The following DCHS1 variants were observed in gnomAD, a reference collection of about 807,000 sequenced individuals.
The protein encoded by DCHS1 is dachsous cadherin-related 1.
A neutral mutation model predicts 213.9 loss-of-function variants in DCHS1; 78 were observed. The ratio of observed to expected loss-of-function variants is 0.36; its 90% CI spans 0.30 to 0.44. DCHS1 has a LOEUF of 0.44. Ranked by LOEUF, DCHS1 falls within the 20% of genes least tolerant of loss-of-function variation. The pLI is 1.00. For missense variants in DCHS1, 3,946 were observed against 4,395.9 expected, an observed-to-expected ratio of 0.90 and a Z score of 2.89; for synonymous variants, 1,828 against 1,873.7, an observed-to-expected ratio of 0.98 and a Z score of 0.63.
At position 6,627,206 on chromosome 11, in the gene DCHS1, A is replaced by G; in HGVS notation, c.5833T>C (p.Ser1945Pro). 6.2e-7 allele frequency: 1 copy of G among 1,613,192 alleles called. No individual in the cohort carries two copies. The highest frequency in any genetic ancestry group is 2.2e-5 in the East Asian group (1 of 44,884). ...AAAGPLSTTV[S>P]VTITVRDVND... ...ACATCGCGCACCGTGATGGTGACAG[A>G]CACTGTGGTGCTTAGGGGCCCAGCA... The change falls in exon 14 of 21, where the codon TCT becomes CCT. Residue 1945 changes from serine to proline, a missense_variant. By Grantham distance (74) the Ser-to-Pro change is moderately conservative (BLOSUM62 -1). Around this residue, in one of 3 missense-constraint regions of DCHS1, gnomAD observed 3,384 missense variants for 3,780.1 expected, o/e 0.90. Coordinates refer to ENST00000299441, the MANE Select transcript of DCHS1 (RefSeq NM_003737.4). This position sits in a 1 kb window ranked among gnomAD's most constrained non-coding sequence, Gnocchi z 5.4.
At chr11:6,642,810 T>C (rs1029856006) in intron 1 of DCHS1, among the ~76,000 whole-genome samples, 4 of 152,202 alleles carry the variant, frequency 2.6e-5, no homozygotes, top group African/African-American at 9.7e-5. Context: ...AAGATGGCTA[T>C]TGCAGTCCTT....
rs936429361 is a variant in DCHS1, at chr11:6,632,605, C to G, written c.2907G>C (p.Glu969Asp). Residue 969 changes from glutamate to aspartate, a missense_variant, in exon 6 of 21, where the codon GAG (glutamate) becomes GAC (aspartate). By Grantham distance (45) the Glu-to-Asp change is conservative. This residue lies in a region of DCHS1 where 3,384 missense variants were observed against 3,780.1 expected (regional missense o/e 0.90). Transcript: ENST00000299441. The surrounding 1 kb of genome is among the most constrained non-coding windows in gnomAD (Gnocchi z 5.9). ...SGGPAHELEL[E>D]ARDGGSPPRT... ...GTGGTGGGGAGCCCCCATCCCGGGC[C>G]TCCAGCTCCAGCTCATGGGCTGGCC... 4 of 1,524,584 alleles carry G rather than the reference C, an allele frequency of 2.6e-6. No homozygotes were observed. The East Asian group carries it at 9.8e-5, about 37-fold the overall frequency. The allele number at this position is 1,524,584 out of a possible 1,614,324, so 94.4% of individuals were successfully genotyped here. A position where few individuals can be genotyped will look rare whatever the true frequency, so the allele number is the denominator to read the frequency against.
rs1855740156 is a variant in DCHS1, at chr11:6,623,477, C to T, written c.8199G>A (p.Gly2733=). The change falls in exon 21 of 21, where the codon GGG becomes GGA. Residue 2733 remains glycine, a synonymous_variant. Transcript: ENST00000299441. ...TLVTTLHAID[G]DAGAFGRLRY... The stretch of plus-strand genomic sequence containing the variant: ...GGAGCCTCCCAAAAGCCCCAGCATC[C>T]CCGTCGATTGCATGCAGAGTGGTCA... 1.3e-6 allele frequency: 2 copies of T among 1,584,886 alleles called. No individual in the cohort carries two copies. Among genetic ancestry groups the T allele is most frequent in the African/African-American group, 2.7e-5 (2 of 74,102 alleles).
rs1455625076 is a variant in DCHS1, at chr11:6,621,547, A to C, written c.*232T>G. ...TCACTGAGGAGAACCCAGGGCTGCT[A>C]CCTCCTTCATATTTCTCCCCACATT... On this transcript the variant is annotated 3_prime_UTR_variant, in exon 21 of 21. Transcript: ENST00000299441. 6.0e-6 allele frequency: 4 copies of C among 668,722 alleles called. No individual in the cohort carries two copies. Among genetic ancestry groups the C allele is most frequent in the Non-Finnish European group, 1.1e-5 (4 of 365,356 alleles). 41.4% of individuals were successfully genotyped at this position (668,722 alleles called of 1,614,324 possible).
intron 1 of DCHS1, among the ~76,000 whole-genome samples, chr11:6,643,427 C>T (rs4758445): frequency 0.091 from 13,876 of 152,180 alleles, 967 homozygotes; most frequent in East Asian, 0.26. Context: ...TTGGCGGCCA[C>T]CTGTTTATCT....
At chr11:6,642,196 C>A (rs929612422) in intron 1 of DCHS1, among the ~76,000 whole-genome samples, 1 of 152,180 alleles carries the variant, frequency 6.6e-6, no homozygotes, top group Non-Finnish European at 1.5e-5. Flanking sequence ...CCACCCACCA[C>A]CCTGCTGGAA....
Position 6,640,393 on chromosome 11 carries a change from A to T in DCHS1, c.1221T>A (p.Gly407=). 6.2e-7 allele frequency: 1 copy of T among 1,613,772 alleles called. No individual in the cohort carries two copies. The highest frequency in any genetic ancestry group is 8.5e-7 in the Non-Finnish European group (1 of 1,179,798). ...DFAHVNVSLE[G]GEGHFALSTQ... ...TGCTTAGGGCAAAGTGGCCCTCTCC[A>T]CCTTCCAGGGACACATTGACATGGG... Residue 407 remains glycine (G), a synonymous_variant, in exon 2 of 21, where the codon GGT becomes GGA. Coordinates refer to ENST00000299441, the MANE Select transcript of DCHS1 (RefSeq NM_003737.4). This position sits in a 1 kb window ranked among gnomAD's most constrained non-coding sequence, Gnocchi z 6.5.
chr11:6,630,093 C>A lies in DCHS1; in HGVS notation c.4701G>T (p.Val1567=), dbSNP rs550340981. The change falls in exon 10 of 21, where the codon GTG becomes GTT. Residue 1567 remains valine, a synonymous_variant. Transcript: ENST00000299441. The stretch of plus-strand genomic sequence containing the variant: ...CGCCCAGATCCGGGTCCCGGGCTAC[C>A]ACGTGCAGGGCCGCGGGCCCAGGCG... ...DQPPGPAALH[V]VARDPDLGEA... The A allele has an allele frequency of 1.3e-6, 2 of 1,597,954 alleles. No individual in the cohort carries two copies. Among genetic ancestry groups the A allele is most frequent in the Non-Finnish European group, 1.7e-6 (2 of 1,170,216 alleles).
intron 1 of DCHS1, among the ~76,000 whole-genome samples, chr11:6,651,439 G>C (rs901938811): frequency 6.6e-6 from 1 of 152,210 alleles, no homozygotes; most frequent in Non-Finnish European, 1.5e-5. Context: ...GCTTGGGGAG[G>C]TCAGACTATG....
At position 6,625,675 on chromosome 11, in the gene DCHS1, T is replaced by A; in HGVS notation, c.6784A>T (p.Thr2262Ser). 1 of 1,613,060 alleles carries A rather than the reference T, an allele frequency of 6.2e-7. No homozygotes were observed. The highest frequency in any genetic ancestry group is 8.5e-7 in the Non-Finnish European group (1 of 1,179,674). The change falls in exon 18 of 21, where the codon ACC (threonine) becomes TCC (serine). Residue 2262 changes from threonine to serine, a missense_variant. Coordinates refer to ENST00000299441, the MANE Select transcript of DCHS1 (RefSeq NM_003737.4). The surrounding 1 kb of genome is among the most constrained non-coding windows in gnomAD (Gnocchi z 5.3). Reference sequence around the variant, plus strand: ...GTGTCGATGACCATCACCGTCAAGGTAGCTGAGCCCACCAGGGCTGGGCTC... The same window carrying A: ...GTGTCGATGACCATCACCGTCAAGGAAGCTGAGCCCACCAGGGCTGGGCTC... Reference protein sequence around the residue: ...RGSPALVGSATLTVMVIDTND... With the variant: ...RGSPALVGSASLTVMVIDTND...
At chr11:6,648,590 T>G (rs1454346623) in intron 1 of DCHS1, among the ~76,000 whole-genome samples, 1 of 152,174 alleles carries the variant, frequency 6.6e-6, no homozygotes, top group Non-Finnish European at 1.5e-5. Context: ...CACCAATACA[T>G]GCTTACTACA....
Position 6,623,866 on chromosome 11 carries a change from G to C in DCHS1, c.7810C>G (p.Arg2604Gly), listed in dbSNP as rs753530594. ...GGTACTGTCACACGGTAGGATGCTCGGGTAAAGACAGGTGGGTTGTCATTG... is the reference window on the plus strand; with the variant it reads ...GGTACTGTCACACGGTAGGATGCTCCGGTAAAGACAGGTGGGTTGTCATTG... ...DVNDNPPVFT[R>G]ASYRVTVPED... Residue 2604 changes from arginine (R) to glycine (G), a missense_variant, in exon 21 of 21, where the codon CGA (arginine) becomes GGA (glycine). Physicochemically the swap from Arg to Gly is moderately radical, Grantham distance 125 (BLOSUM62 -2). This residue lies in a region of DCHS1 where 3,384 missense variants were observed against 3,780.1 expected (regional missense o/e 0.90). Transcript: ENST00000299441. 6.2e-7 allele frequency: 1 copy of C among 1,610,948 alleles called. No individual in the cohort carries two copies. Among genetic ancestry groups the C allele is most frequent in the Non-Finnish European group, 8.5e-7 (1 of 1,177,546 alleles).
rs548233953 is a variant in DCHS1 at position 6,628,866 on chromosome 11, C to T, written c.5162-36G>A. On this transcript the variant is annotated intron_variant, in intron 12 of 20. Transcript: ENST00000299441. This position sits in a 1 kb window ranked among gnomAD's most constrained non-coding sequence, Gnocchi z 4.3. ...GCAAAATCAATGAGGTCTAGTCTGC[C>T]CTCACCACATGGAGAAATCCACACC... 119 of 1,587,704 alleles carry T rather than the reference C, an allele frequency of 7.5e-5. No homozygotes were observed. The South Asian group carries it at 1.2e-3, about 17-fold the overall frequency.
chr11:6,636,037 T>C (rs1589958741), intron 2 of DCHS1, among the ~76,000 whole-genome samples: 1 of 152,122 alleles, frequency 6.6e-6, no homozygotes, highest in East Asian at 1.9e-4. Context: ...CCCTCTTCTC[T>C]TGCCCCCATC....
At position 6,639,916 on chromosome 11, in the gene DCHS1, C is replaced by T; in HGVS notation, c.1698G>A (p.Val566=). ...CATTATCATTCACATCTTGCAGGGCCACGCTAACTGTGGCAGAGGAGGCTA... is the reference window on the plus strand; with the variant it reads ...CATTATCATTCACATCTTGCAGGGCTACGCTAACTGTGGCAGAGGAGGCTA... ...PPLASSATVS[V]ALQDVNDNEP... is the part of the protein sequence containing the mutation. The change falls in exon 2 of 21, where the codon GTG becomes GTA. Residue 566 remains valine (V), a synonymous_variant. Transcript: ENST00000299441. 6.2e-7 allele frequency: 1 copy of T among 1,614,028 alleles called. No individual in the cohort carries two copies. The highest frequency in any genetic ancestry group is 1.7e-5 in the Admixed American group (1 of 60,022).
Position 6,626,345 on chromosome 11 carries a change from A to T in DCHS1, c.6400T>A (p.Phe2134Ile), listed in dbSNP as rs777977091. Reference protein sequence around the residue: ...ITVRSAEGLDFEVSPRLRLVL... With the variant: ...ITVRSAEGLDIEVSPRLRLVL... The stretch of plus-strand genomic sequence containing the variant: ...AGTCGCAGCCGTGGACTCACCTCGA[A>T]GTCTAGCCCCTCTGCTGAGCGAACT... The change falls in exon 16 of 21, where the codon TTC (phenylalanine) becomes ATC (isoleucine). Residue 2134 changes from phenylalanine (F) to isoleucine (I), a missense_variant. Phe to Ile is a conservative substitution (Grantham distance 21). Transcript: ENST00000299441. This position sits in a 1 kb window ranked among gnomAD's most constrained non-coding sequence, Gnocchi z 5.2. 6.2e-7 allele frequency: 1 copy of T among 1,613,654 alleles called. No individual in the cohort carries two copies. Among genetic ancestry groups the T allele is most frequent in the African/African-American group, 1.3e-5 (1 of 75,034 alleles).
rs774142983 is a variant in DCHS1 at position 6,640,012 on chromosome 11, G to A, written c.1602C>T (p.Ala534=). Residue 534 remains alanine (A), a synonymous_variant, in exon 2 of 21, where the codon GCC becomes GCT. Coordinates refer to ENST00000299441, the MANE Select transcript of DCHS1 (RefSeq NM_003737.4). The surrounding 1 kb of genome is among the most constrained non-coding windows in gnomAD (Gnocchi z 6.5). ...DPTSGIITTA[A]SLDYELEPQP... is the part of the protein sequence containing the mutation. Reference sequence around the variant, plus strand: ...GAGGTTCCAACTCATAGTCCAGTGAGGCAGCCGTAGTGATAATGCCTGAGG... The same window carrying A: ...GAGGTTCCAACTCATAGTCCAGTGAAGCAGCCGTAGTGATAATGCCTGAGG... 6.2e-7 allele frequency: 1 copy of A among 1,613,900 alleles called. No individual in the cohort carries two copies. The highest frequency in any genetic ancestry group is 8.5e-7 in the Non-Finnish European group (1 of 1,179,776).
Position 6,623,373 on chromosome 11 carries a change from C to A in DCHS1, c.8303G>T (p.Arg2768Leu). 1.9e-6 allele frequency: 3 copies of A among 1,597,662 alleles called. No individual in the cohort carries two copies. Among genetic ancestry groups the A allele is most frequent in the Non-Finnish European group, 8.5e-7 (1 of 1,172,146 alleles). Residue 2768 changes from arginine to leucine, a missense_variant, in exon 21 of 21, where the codon CGT becomes CTT. Around this residue, in one of 3 missense-constraint regions of DCHS1, gnomAD observed 3,384 missense variants for 3,780.1 expected, o/e 0.90. Transcript: ENST00000299441. ...FALNSSTGEL[R>L]ARVPFDYEHT... ...CTCATAGTCAAAGGGCACTCGCGCA[C>A]GCAACTCCCCTGTTGAGCTGTTCAG... is the stretch of plus-strand genomic sequence containing the variant.
chr11:6,655,452 G>T, intron 1 of DCHS1, 111 bp downstream of exon 1: 3 of 724,300 alleles, frequency 4.1e-6, no homozygotes, highest in Non-Finnish European at 5.1e-6. Context: ...CTCCCCCATT[G>T]TCTCCGGCTC....
Sources: allele counts gnomAD v4.1 joint callset (sites outside exome capture counted in the v4.1 genomes callset), GRCh38; gene constraint gnomAD v4.1.1; regional missense constraint gnomAD v4.1.1; non-coding constraint Gnocchi (gnomAD v3.1); transcripts MANE v1.5; gene names NCBI Gene and HGNC (gene_info 2026-07-23, HGNC 2026-07-21).